SON: variants seen among roughly 807,000 people sequenced by gnomAD.
The protein encoded by SON is SON DNA and RNA binding protein.
In SON, 4 loss-of-function variants were observed where a neutral mutation model predicts 173.3. The ratio of observed to expected loss-of-function variants is 0.02; its 90% CI spans 0.01 to 0.05. The LOEUF (loss-of-function observed/expected upper bound fraction) is 0.05, where lower values mean the gene tolerates loss of function less well. SON is among the 10% of genes least tolerant of loss of function. The pLI is 1.00. For missense variants in SON, 2,626 were observed against 3,055.3 expected (o/e 0.86, Z 3.31); for synonymous variants, 1,190 against 1,105.9 (o/e 1.08, Z -1.51).
At chr21:33,574,937 T>C (rs1347603777) in intron 9 of SON, among the ~76,000 whole-genome samples, 2 of 152,242 alleles carry the variant, frequency 1.3e-5, no homozygotes, top group Non-Finnish European at 2.9e-5. Flanking sequence ...ACAACCGTTT[T>C]CACCTTTTTG....
At chr21:33,561,510 TG>T (rs1315649439) in intron 6 of SON, among the ~76,000 whole-genome samples, 1 of 152,188 alleles carries the variant, frequency 6.6e-6, no homozygotes, top group African/African-American at 2.4e-5. Context: ...TAACAAATAT[TG>T]CAGAATTCCA....
chr21:33,543,462 T>G (rs2085515043), intron 1 of SON: 2 of 431,890 alleles, frequency 4.6e-6, no homozygotes, highest in East Asian at 9.3e-5. Flanking sequence ...GTTTAGCTAC[T>G]CGTAGGCCCG....
rs190548395 is a variant in SON at position 33,551,356 on chromosome 21, A to T, written c.2125A>T (p.Met709Leu). 1 of 1,614,132 alleles carries T rather than the reference A, an allele frequency of 6.2e-7. No individual in the cohort carries two copies. Among genetic ancestry groups the T allele is most frequent in the East Asian group, 2.2e-5 (1 of 44,892 alleles). The change falls in exon 3 of 12, where the codon ATG becomes TTG. Residue 709 changes from methionine (M) to leucine (L), a missense_variant. Physicochemically the swap from Met to Leu is conservative, Grantham distance 15. This residue lies in a region of SON where 182 missense variants were observed against 193.6 expected (regional missense o/e 0.94). Transcript: ENST00000356577. ...TSVTVGVDPL[M>L]APESHILASN... ...TGTAACAGTAGGAGTGGATCCCTTGATGGCCCCAGAATCCCATATATTAGC... is the reference window on the plus strand; with the variant it reads ...TGTAACAGTAGGAGTGGATCCCTTGTTGGCCCCAGAATCCCATATATTAGC...
chr21:33,567,267 G>A lies in SON; in HGVS notation c.6768G>A (p.Arg2256=), dbSNP rs1397147500. ...GCATGTTAAATAGAGCTCAGGAAAG[G>A]GTATGTAGCAGTTTTTTAAAAAAAA... is the stretch of plus-strand genomic sequence containing the variant. ...AMSMLNRAQE[R]IDAWAQLNSI... is the part of the protein sequence containing the mutation. The change falls in exon 7 of 12, where the codon AGG becomes AGA. Residue 2256 remains arginine (R), a splice_region_variant and synonymous_variant. Coordinates refer to ENST00000356577, the MANE Select transcript of SON (RefSeq NM_138927.4). 2.0e-6 allele frequency: 3 copies of A among 1,529,902 alleles called. No individual in the cohort carries two copies. The allele number at this position is 1,529,902 out of a possible 1,614,324, so 94.8% of individuals were successfully genotyped here. A position where few individuals can be genotyped will look rare whatever the true frequency, so the allele number is the denominator to read the frequency against.
rs751683459 is a variant in SON at position 33,543,066 on chromosome 21, A to G, written c.-27A>G. 21 of 1,610,426 alleles carry G rather than the reference A, an allele frequency of 1.3e-5. No homozygotes were observed. Among genetic ancestry groups the G allele is most frequent in the Non-Finnish European group, 1.8e-5 (21 of 1,176,566 alleles). On this transcript the variant is annotated 5_prime_UTR_variant, in exon 1 of 12. Transcript: ENST00000356577. ...CTGGGAGCCTGGAGGACTAGCGAGG[A>G]GGAGTTGAGAGAACGGAGCGGACGC...
At position 33,559,454 on chromosome 21, in the gene SON, T is replaced by G; in HGVS notation, c.6468+78T>G. The G allele has an allele frequency of 1.3e-6, 2 of 1,494,786 alleles. No individual in the cohort carries two copies. The highest frequency in any genetic ancestry group is 1.8e-6 in the Non-Finnish European group (2 of 1,109,248). 92.6% of individuals were successfully genotyped at this position (1,494,786 alleles called of 1,614,324 possible). A position where few individuals can be genotyped will look rare whatever the true frequency, so the allele number is the denominator to read the frequency against. ...TAAATAAAACCCAAATCGAATTTAG[T>G]TTATTAATTTTTGTTTTAAATACTG... On this transcript the variant is annotated intron_variant, in intron 5 of 11. Transcript: ENST00000356577. This position sits in a 1 kb window ranked among gnomAD's most constrained non-coding sequence, Gnocchi z 4.1.
chr21:33,555,416 G>A (rs941297342), intron 3 of SON, 25 bp downstream of exon 3: 29 of 1,476,866 alleles, frequency 2.0e-5, no homozygotes, highest in Non-Finnish European at 2.4e-5. Context: ...AGTTTAATGG[G>A]ATGGTAGTAG....
intron 8 of SON, among the ~76,000 whole-genome samples, chr21:33,571,241 A>G (rs1015747757): frequency 2.7e-4 from 41 of 152,338 alleles, no homozygotes; most frequent in African/African-American, 9.4e-4. Context: ...ACTTTTGAAA[A>G]TTAAAAATGG....
intron 8 of SON, chr21:33,572,219 TAAA>T (rs1267367407): frequency 1.3e-5 from 2 of 149,000 alleles, no homozygotes; most frequent in Non-Finnish European, 3.0e-5. Flanking sequence ...TAAGAGAACA[TAAA>T]AACCTAAAAT....
Position 33,553,156 on chromosome 21 carries a change from G to A in SON, c.3925G>A (p.Ala1309Thr), listed in dbSNP as rs1339424944. The change falls in exon 3 of 12, where the codon GCA becomes ACA. Residue 1309 changes from alanine (A) to threonine (T), a missense_variant. By Grantham distance (58) the Ala-to-Thr change is moderately conservative (BLOSUM62 0). Coordinates refer to ENST00000356577, the MANE Select transcript of SON (RefSeq NM_138927.4). ...AGAGCCTCCTGTTATGTCAGAGACA[G>A]CAGAAACATTTGATTCCATGAGAGC... is the stretch of plus-strand genomic sequence containing the variant. The part of the protein sequence containing the change: ...ASEPPVMSET[A>T]ETFDSMRASG... 1 of 1,614,204 alleles carries A rather than the reference G, an allele frequency of 6.2e-7. No individual in the cohort carries two copies. The highest frequency in any genetic ancestry group is 8.5e-7 in the Non-Finnish European group (1 of 1,180,036).
intron 1 of SON, among the ~76,000 whole-genome samples, chr21:33,545,314 C>T (rs2085589115): frequency 1.3e-5 from 2 of 152,070 alleles, no homozygotes. Context: ...ATTAGAAAGC[C>T]AGATGTTCCT....
At chr21:33,566,642 C>T (rs1428310447) in intron 6 of SON, among the ~76,000 whole-genome samples, 3 of 152,074 alleles carry the variant, frequency 2.0e-5, no homozygotes, top group Non-Finnish European at 4.4e-5. Context: ...ACCAAAGTGT[C>T]CACAACTGGA....
At position 33,550,638 on chromosome 21, in the gene SON, A is replaced by G; in HGVS notation, c.1407A>G (p.Val469=). The G allele has an allele frequency of 6.2e-7, 1 of 1,613,976 alleles. No individual in the cohort carries two copies. Among genetic ancestry groups the G allele is most frequent in the East Asian group, 2.2e-5 (1 of 44,860 alleles). The change falls in exon 3 of 12, where the codon GTA becomes GTG. Residue 469 remains valine (V), a synonymous_variant. Coordinates refer to ENST00000356577, the MANE Select transcript of SON (RefSeq NM_138927.4). ...PSMGLEPPQE[V]PEPPVMAQEL... ...TGGGGTTGGAGCCACCACAGGAGGTACCAGAGCCACCTGTGATGGCACAGG... is the reference window on the plus strand; with the variant it reads ...TGGGGTTGGAGCCACCACAGGAGGTGCCAGAGCCACCTGTGATGGCACAGG...
intron 3 of SON, among the ~76,000 whole-genome samples, chr21:33,556,567 A>G (rs2085970301): frequency 6.6e-6 from 1 of 152,114 alleles, no homozygotes; most frequent in Non-Finnish European, 1.5e-5. Context: ...ACAAAAAATT[A>G]GATGGGTGTG....
In SON at chr21:33,552,162, T is replaced by C. The variant is rs777174207; in HGVS notation, c.2931T>C (p.Tyr977=). The change falls in exon 3 of 12, where the codon TAT becomes TAC. Residue 977 remains tyrosine, a synonymous_variant. Transcript: ENST00000356577. This position sits in a 1 kb window ranked among gnomAD's most constrained non-coding sequence, Gnocchi z 5.6. ...CCTACAGGATAGCACCCAGGTCCTA[T>C]AGAATAGCACCCAGGCCATATAGGT... The part of the protein sequence containing the change: ...PRPYRIAPRS[Y]RIAPRPYRLA... The C allele has an allele frequency of 9.3e-6, 15 of 1,613,944 alleles. No individual in the cohort carries two copies. Among genetic ancestry groups the C allele is most frequent in the Admixed American group, 5.0e-5 (3 of 60,004 alleles).
At chr21:33,575,744 A>G (rs1278298056) in intron 10 of SON, 34 bp from the exon 11 acceptor site, 2 of 1,570,724 alleles carry the variant, frequency 1.3e-6, no homozygotes, top group Admixed American at 3.4e-5. Flanking sequence ...GTTGGTGGAA[A>G]TAATTTAAAA....
chr21:33,547,406 T>G (rs569007699), intron 2 of SON, among the ~76,000 whole-genome samples: 28 of 152,352 alleles, frequency 1.8e-4, no homozygotes, highest in South Asian at 1.0e-3. Context: ...TTAGCGTTTT[T>G]GGAATTGATT....
rs1371471667 is a variant in SON, at chr21:33,553,911, A to G, written c.4680A>G (p.Glu1560=). 1 of 1,613,992 alleles carries G rather than the reference A, an allele frequency of 6.2e-7. No individual in the cohort carries two copies. The highest frequency in any genetic ancestry group is 8.5e-7 in the Non-Finnish European group (1 of 1,180,010). ...VCAAGTSPVG[E]IGEEKILPTS... ...CTGCTGGTACTAGTCCTGTTGGGGAAATTGGTGAAGAGAAAATTTTGCCCA... is the reference window on the plus strand; with the variant it reads ...CTGCTGGTACTAGTCCTGTTGGGGAGATTGGTGAAGAGAAAATTTTGCCCA... The change falls in exon 3 of 12, where the codon GAA becomes GAG. Residue 1560 remains glutamate, a synonymous_variant. Coordinates refer to ENST00000356577, the MANE Select transcript of SON (RefSeq NM_138927.4).
chr21:33,574,615 A>C (rs1305981195), intron 9 of SON, among the ~76,000 whole-genome samples: 1 of 152,222 alleles, frequency 6.6e-6, no homozygotes, highest in Non-Finnish European at 1.5e-5. Context: ...GGAAATACTC[A>C]TTGGTGCATT....
Sources: allele counts gnomAD v4.1 joint callset (sites outside exome capture counted in the v4.1 genomes callset), GRCh38; gene constraint gnomAD v4.1.1; regional missense constraint gnomAD v4.1.1; non-coding constraint Gnocchi (gnomAD v3.1); transcripts MANE v1.5; gene names NCBI Gene and HGNC (gene_info 2026-07-23, HGNC 2026-07-21).